RGS8: variants seen among roughly 807,000 people sequenced by gnomAD.
The protein encoded by RGS8 is regulator of G protein signaling 8, also known as regulator of G-protein signaling 8.
Under a neutral mutation model 21.7 loss-of-function variants are expected in RGS8, and 8 were observed. That is an observed-to-expected ratio of 0.37 (90% CI 0.22 to 0.66). RGS8 has a LOEUF of 0.66. Ranked by LOEUF, RGS8 falls within the 30% of genes least tolerant of loss-of-function variation. RGS8 has a pLI of 0.59. For synonymous variants in RGS8, 80 were observed against 83.6 expected, an observed-to-expected ratio of 0.96 and a Z score of 0.24; for missense variants, 157 against 217.9, an observed-to-expected ratio of 0.72 and a Z score of 1.76.
At chr1:182,671,891 C>T (rs1664182417) in exon 1 of RGS8, 13 of 1,483,498 alleles carry the variant, frequency 8.8e-6, no homozygotes, top group South Asian at 2.8e-5. Context: ...CCACTGAAAG[C>T]TCTTCTCTCT....
chr1:182,703,884 T>C, the RGS8 span, among the ~76,000 whole-genome samples: 1 of 152,214 alleles, frequency 6.6e-6, no homozygotes, highest in East Asian at 1.9e-4. Context: ...ACCACAAATT[T>C]TATTATTCGT....
chr1:182,743,087 T>A, the RGS8 span, among the ~76,000 whole-genome samples: 1 of 152,280 alleles, frequency 6.6e-6, no homozygotes, highest in South Asian at 2.1e-4. Flanking sequence ...AGATGACCCC[T>A]GAAGACCCTG....
chr1:182,650,678 T>C (rs955245977), intron 5 of RGS8, among the ~76,000 whole-genome samples: 1 of 152,164 alleles, frequency 6.6e-6, no homozygotes. Context: ...CTGGGCAACA[T>C]GGCAAAACCC....
the RGS8 span, among the ~76,000 whole-genome samples, chr1:182,715,521 T>C: frequency 6.6e-6 from 1 of 152,154 alleles, no homozygotes; most frequent in African/African-American, 2.4e-5. Flanking sequence ...TTTCCTAACT[T>C]TAGCCCATAT....
chr1:182,687,964 A>C (rs925614837), upstream of RGS8, among the ~76,000 whole-genome samples: 3 of 152,240 alleles, frequency 2.0e-5, no homozygotes, highest in African/African-American at 7.2e-5. Flanking sequence ...CTCAGACTAC[A>C]TAGAGTTTAT....
At chr1:182,655,864 C>A (rs985826831) in intron 5 of RGS8, among the ~76,000 whole-genome samples, 2 of 152,154 alleles carry the variant, frequency 1.3e-5, no homozygotes, top group Admixed American at 6.5e-5. Flanking sequence ...TTCTGTGCTG[C>A]CCAGTTTATA....
rs549369543 is a variant in RGS8 at position 182,649,952 on chromosome 1, G to T, written c.194-1649C>A. The stretch of plus-strand genomic sequence containing the variant: ...GGGGGGCATGGAGTCTTGCTCTGTC[G>T]CCACGCTGGAGTGCAGTGGCACAGT... On this transcript the variant is annotated intron_variant, in intron 5 of 6. Coordinates refer to ENST00000483095, the Ensembl canonical transcript of RGS8. Among the ~76,000 whole-genome samples the T allele has an allele frequency of 9.0e-5, 13 of 143,970 alleles. No homozygotes were observed. In the South Asian group the frequency reaches 1.9e-3, roughly 21 times the overall value. 94.4% of individuals were successfully genotyped at this position (143,970 alleles called of 152,430 possible). A position where few individuals can be genotyped will look rare whatever the true frequency, so the allele number is the denominator to read the frequency against.
intron 5 of RGS8, among the ~76,000 whole-genome samples, chr1:182,665,513 T>C (rs747332900): frequency 1.6e-4 from 24 of 151,926 alleles, no homozygotes; most frequent in Non-Finnish European, 2.6e-4. Context: ...AAAGCAACAA[T>C]AAAACTCAAA....
the RGS8 span, among the ~76,000 whole-genome samples, chr1:182,740,884 TCA>T: frequency 1.3e-5 from 2 of 152,162 alleles, no homozygotes; most frequent in East Asian, 3.9e-4. Context: ...AGGTCACCTA[TCA>T]ACAGGATCCC....
At chr1:182,644,572 G>T (rs556019004), downstream of RGS8, 5 of 152,178 alleles carry the variant, frequency 3.3e-5, no homozygotes, top group South Asian at 4.2e-4. Flanking sequence ...CTCTCTATGA[G>T]GCCATCGCAC....
At chr1:182,643,897 C>CTGCCTAGACT (rs1662587693), downstream of RGS8, 1 of 152,332 alleles carries the variant, frequency 6.6e-6, no homozygotes, top group Non-Finnish European at 1.5e-5. Flanking sequence ...AGTCACAGCT[C>CTGCCTAGACT]TGCCTAGACT....
intron 5 of RGS8, among the ~76,000 whole-genome samples, chr1:182,665,505 A>C (rs1663813372): frequency 6.6e-6 from 1 of 152,208 alleles, no homozygotes; most frequent in African/African-American, 2.4e-5. Context: ...CAAAACAAAA[A>C]GCAACAATAA....
chr1:182,664,044 CAGA>C, intron 5 of RGS8, among the ~76,000 whole-genome samples: 1 of 152,272 alleles, frequency 6.6e-6, no homozygotes, highest in South Asian at 2.1e-4. Flanking sequence ...GCATCCCTGA[CAGA>C]AGTAGAAACA....
the RGS8 span, among the ~76,000 whole-genome samples, chr1:182,704,893 G>T: frequency 6.6e-6 from 1 of 152,198 alleles, no homozygotes; most frequent in African/African-American, 2.4e-5. Context: ...CACCACACGT[G>T]CCCATCTGTG....
chr1:182,689,189 T>A (rs989210056), upstream of RGS8, among the ~76,000 whole-genome samples: 46 of 151,674 alleles, frequency 3.0e-4, no homozygotes, highest in Middle Eastern at 3.4e-3. Flanking sequence ...TGCCTTTTAG[T>A]GAAATGTAAG....
the RGS8 span, among the ~76,000 whole-genome samples, chr1:182,710,113 A>T: frequency 2.0e-5 from 3 of 152,196 alleles, no homozygotes. Context: ...TTTGACTCAC[A>T]GGTGTGGTAT....
chr1:182,719,038 C>G, the RGS8 span, among the ~76,000 whole-genome samples: 624 of 152,344 alleles, frequency 4.1e-3, 8 homozygotes, highest in African/African-American at 0.015. Flanking sequence ...ACCCACCCAA[C>G]TACCTCCACA....
the RGS8 span, among the ~76,000 whole-genome samples, chr1:182,702,212 T>C: frequency 2.6e-5 from 4 of 152,188 alleles, no homozygotes; most frequent in Non-Finnish European, 4.4e-5. Flanking sequence ...ATATACACCA[T>C]GGAATACTGT....
chr1:182,648,164 C>T, exon 6 of RGS8: 3 of 1,612,074 alleles, frequency 1.9e-6, no homozygotes, highest in Non-Finnish European at 1.7e-6. Flanking sequence ...CATCCACAAA[C>T]TCCTCAAAGA....
Sources: allele counts gnomAD v4.1 joint callset (sites outside exome capture counted in the v4.1 genomes callset), GRCh38; gene constraint gnomAD v4.1.1; transcripts MANE v1.5; gene names NCBI Gene and HGNC (gene_info 2026-07-23, HGNC 2026-07-21).